Variants in WASF2 observed in about 807,000 individuals in gnomAD.
WASF2 encodes the protein WASP family member 2.
A neutral mutation model predicts 45.0 loss-of-function variants in WASF2; 14 were observed. The observed-to-expected ratio is 0.31, with a 90% CI of 0.21 to 0.49. The LOEUF is 0.49. Among genes scored for constraint, WASF2 ranks in the 20% least tolerant of loss-of-function variants. WASF2 has a pLI of 0.99. For synonymous variants in WASF2, 200 were observed against 236.3 expected (o/e 0.85, Z 1.41); for missense variants, 439 against 636.1 (o/e 0.69, Z 3.33).
At position 27,409,763 on chromosome 1, in the gene WASF2, G is replaced by C. The variant is rs751450997; in HGVS notation, c.1268C>G (p.Thr423Ser). 3.2e-6 allele frequency: 5 copies of C among 1,539,888 alleles called. No homozygotes were observed. The highest frequency in any genetic ancestry group is 2.1e-5 in the Admixed American group (1 of 48,626). The change falls in exon 8 of 9, where the codon ACC (threonine) becomes AGC (serine). Residue 423 changes from threonine to serine, a missense_variant. Around this residue, in one of 5 missense-constraint regions of WASF2, gnomAD observed 286 missense variants for 373.5 expected, o/e 0.77. Transcript: ENST00000618852. The stretch of plus-strand genomic sequence containing the variant: ...AGGCAAGGAGGACTTGGGCTTGGTG[G>C]TATCAGAAAGCGGTGGTGGTATAGC... Reference protein sequence around the residue: ...QPAIPPPLSDTTKPKSSLPAV... With the variant: ...QPAIPPPLSDSTKPKSSLPAV...
intron 1 of WASF2, among the ~76,000 whole-genome samples, chr1:27,432,017 A>G: frequency 6.6e-6 from 1 of 152,246 alleles, no homozygotes; most frequent in East Asian, 1.9e-4. Flanking sequence ...TGTATGTGAA[A>G]TGACATGCAC....
At chr1:27,432,141 C>A (rs2017073369) in intron 1 of WASF2, among the ~76,000 whole-genome samples, 3 of 152,126 alleles carry the variant, frequency 2.0e-5, no homozygotes, top group Admixed American at 1.3e-4. Flanking sequence ...ATCTTACATT[C>A]AGGTGAAAAT....
intron 1 of WASF2, among the ~76,000 whole-genome samples, chr1:27,486,609 T>C (rs2017927436): frequency 6.6e-6 from 1 of 152,090 alleles, no homozygotes; most frequent in Admixed American, 6.6e-5. Flanking sequence ...ATTCCTTAGG[T>C]TGAAATCACA....
chr1:27,434,628 A>G (rs2017107334), intron 1 of WASF2, among the ~76,000 whole-genome samples: 1 of 152,184 alleles, frequency 6.6e-6, no homozygotes, highest in Admixed American at 6.5e-5. Context: ...TTTATACCCA[A>G]GGGGCTCCTG....
intron 1 of WASF2, among the ~76,000 whole-genome samples, chr1:27,479,760 G>A (rs2017820877): frequency 6.6e-6 from 1 of 152,180 alleles, no homozygotes; most frequent in South Asian, 2.1e-4. Context: ...AGTTACTCAG[G>A]AGGCTGGGGC....
intron 1 of WASF2, among the ~76,000 whole-genome samples, chr1:27,483,640 A>AAAC (rs1053759638): frequency 6.6e-6 from 1 of 151,986 alleles, no homozygotes; most frequent in Non-Finnish European, 1.5e-5. Flanking sequence ...ACTCCATCTC[A>AAAC]AACAACAACA....
chr1:27,478,076 A>C (rs1406232283), intron 1 of WASF2, among the ~76,000 whole-genome samples: 1 of 148,916 alleles, frequency 6.7e-6, no homozygotes, highest in Non-Finnish European at 1.5e-5. Context: ...ACATGGTGAA[A>C]CCCCCGTCTC....
chr1:27,457,609 C>T (rs908310712), intron 1 of WASF2, among the ~76,000 whole-genome samples: 4 of 149,350 alleles, frequency 2.7e-5, no homozygotes, highest in Non-Finnish European at 5.9e-5. Context: ...TGGGATTCAA[C>T]AATATTGTGA....
At chr1:27,437,822 G>A (rs1294125966) in intron 1 of WASF2, among the ~76,000 whole-genome samples, 1 of 152,034 alleles carries the variant, frequency 6.6e-6, no homozygotes, top group East Asian at 1.9e-4. Flanking sequence ...GTCATCAACT[G>A]AACATTAAAT....
At position 27,406,206 on chromosome 1, in the gene WASF2, G is replaced by C. The variant is rs542583735; in HGVS notation, c.*1983C>G. 1 of 152,720 alleles carries C rather than the reference G, an allele frequency of 6.5e-6. No homozygotes were observed. Among genetic ancestry groups the C allele is most frequent in the South Asian group, 2.1e-4 (1 of 4,824 alleles). The allele number at this position is 152,720 out of a possible 1,614,324, so 9.5% of individuals were successfully genotyped here. A position where few individuals can be genotyped will look rare whatever the true frequency, so the allele number is the denominator to read the frequency against. ...TAGGGTTCTGATGAAAGCACCTTCG[G>C]CTTCTAAGGTGCAGGCTGGGAAACA... On this transcript the variant is annotated 3_prime_UTR_variant, in exon 9 of 9. Coordinates refer to ENST00000618852, the MANE Select transcript of WASF2 (RefSeq NM_006990.5).
Position 27,419,029 on chromosome 1 carries a change from G to T in WASF2, c.190C>A (p.Arg64=). The change falls in exon 3 of 9, where the codon CGG becomes AGG. Residue 64 remains arginine (R), a synonymous_variant. Coordinates refer to ENST00000618852, the MANE Select transcript of WASF2 (RefSeq NM_006990.5). ...ACCCTCTCAGCAAGGGAGCTTACCC[G>T]AGAGGCAAAGGTATTTGCCTGAGTA... The part of the protein sequence containing the change: ...LFTQANTFAS[R]VSSLAERVDR... The T allele has an allele frequency of 6.2e-7, 1 of 1,614,074 alleles. No individual in the cohort carries two copies. The highest frequency in any genetic ancestry group is 2.2e-5 in the East Asian group (1 of 44,886).
At position 27,414,700 on chromosome 1, in the gene WASF2, G is replaced by T; in HGVS notation, c.668+133C>A. The T allele has an allele frequency of 8.3e-7, 1 of 1,205,730 alleles. No individual in the cohort carries two copies. The highest frequency in any genetic ancestry group is 1.2e-6 in the Non-Finnish European group (1 of 867,262). 74.7% of individuals were successfully genotyped at this position (1,205,730 alleles called of 1,614,324 possible). Reference sequence around the variant, plus strand: ...CAGATGGATGCACTTTAAAGTAGCTGATTAACAGTGGTATTGATCTAAGCC... The same window carrying T: ...CAGATGGATGCACTTTAAAGTAGCTTATTAACAGTGGTATTGATCTAAGCC... On this transcript the variant is annotated intron_variant, in intron 6 of 8. Coordinates refer to ENST00000618852, the MANE Select transcript of WASF2 (RefSeq NM_006990.5). The surrounding 1 kb of genome is among the most constrained non-coding windows in gnomAD (Gnocchi z 4.1).
chr1:27,415,045 G>A (rs564264609), intron 5 of WASF2, 82 bp from the exon 6 acceptor site: 9 of 1,509,356 alleles, frequency 6.0e-6, no homozygotes, highest in South Asian at 2.4e-5. Context: ...TCATGGATGC[G>A]TATCTAAGAG....
At chr1:27,437,293 G>A (rs2017150657) in intron 1 of WASF2, among the ~76,000 whole-genome samples, 1 of 152,060 alleles carries the variant, frequency 6.6e-6, no homozygotes, top group Admixed American at 6.6e-5. Flanking sequence ...GGATCCATCT[G>A]GTTGTCCAAA....
At chr1:27,466,662 G>A (rs2017614962) in intron 1 of WASF2, among the ~76,000 whole-genome samples, 1 of 152,114 alleles carries the variant, frequency 6.6e-6, no homozygotes, top group African/African-American at 2.4e-5. Flanking sequence ...GAGGCCAGGA[G>A]TTCAAGATAA....
At chr1:27,488,553 ACCC>A (rs1211802388) in intron 1 of WASF2, among the ~76,000 whole-genome samples, 3 of 152,136 alleles carry the variant, frequency 2.0e-5, no homozygotes, top group Non-Finnish European at 4.4e-5. Flanking sequence ...TCTACAGGCA[ACCC>A]TACCAGGATT....
intron 1 of WASF2, among the ~76,000 whole-genome samples, chr1:27,474,294 C>A (rs1308467031): frequency 6.6e-6 from 1 of 151,616 alleles, no homozygotes; most frequent in Admixed American, 6.6e-5. Context: ...TCTTCAAGCA[C>A]CTCAATTTAA....
chr1:27,425,923 G>C (rs2016974376), intron 2 of WASF2, among the ~76,000 whole-genome samples: 1 of 151,780 alleles, frequency 6.6e-6, no homozygotes, highest in South Asian at 2.1e-4. Flanking sequence ...TCAGGCAGGA[G>C]AATCACTTGA....
At chr1:27,472,129 G>A (rs1243958676) in intron 1 of WASF2, among the ~76,000 whole-genome samples, 1 of 151,952 alleles carries the variant, frequency 6.6e-6, no homozygotes, top group African/African-American at 2.4e-5. Context: ...TCAGGAGATG[G>A]AGACCACCCT....
Sources: gnomAD v4.1 joint callset for allele counts (sites outside exome capture counted in the v4.1 genomes callset) on GRCh38, gnomAD v4.1.1 for gene constraint, gnomAD v4.1.1 regional missense constraint, Gnocchi (gnomAD v3.1) non-coding constraint, MANE v1.5 for transcripts, NCBI Gene and HGNC (gene_info 2026-07-23, HGNC 2026-07-21) for gene names.